Variants in HHLA1 observed in about 807,000 individuals in gnomAD.
HHLA1 encodes HHLA1 neighbor of OC90, also known as HERV-H LTR-associating protein 1.
A neutral mutation model predicts 69.9 loss-of-function variants in HHLA1; 72 were observed. The ratio of observed to expected loss-of-function variants is 1.03; its 90% CI spans 0.85 to 1.25. HHLA1 has a LOEUF of 1.25. HHLA1 is among the 50% of genes most tolerant of loss of function. The pLI is 0.00. For synonymous variants in HHLA1, 252 were observed against 233.2 expected, an observed-to-expected ratio of 1.08 and a Z score of -0.73; for missense variants, 685 against 642.2, an observed-to-expected ratio of 1.07 and a Z score of -0.72.
At position 132,093,928 on chromosome 8, in the gene HHLA1, G is replaced by A. The variant is rs998587149; in HGVS notation, c.448+1591C>T. ...CATTAAGCACTCATTGTAGCATCTCGCATATAGTACTTATTATATATTAGT... is the reference window on the plus strand; with the variant it reads ...CATTAAGCACTCATTGTAGCATCTCACATATAGTACTTATTATATATTAGT... On this transcript the variant is annotated intron_variant, in intron 7 of 16. Coordinates refer to ENST00000414222, the MANE Select transcript of HHLA1 (RefSeq NM_001145095.3). Among the ~76,000 whole-genome samples, 8 of 151,984 alleles carry A rather than the reference G, an allele frequency of 5.3e-5. No homozygotes were observed. In the East Asian group the frequency reaches 5.8e-4, roughly 11 times the overall value.
Position 132,079,574 on chromosome 8 carries a change from C to G in HHLA1, c.925+144G>C, listed in dbSNP as rs1586727083. On this transcript the variant is annotated intron_variant, in intron 11 of 16. Transcript: ENST00000414222. Reference sequence around the variant, plus strand: ...CTTGTAGAACCCATACCGGCTCATACAGATCTGTTATTTAAGTAAGCTGAA... The same window carrying G: ...CTTGTAGAACCCATACCGGCTCATAGAGATCTGTTATTTAAGTAAGCTGAA... 4 of 875,358 alleles carry G rather than the reference C, an allele frequency of 4.6e-6. No individual in the cohort carries two copies. In the Admixed American group the frequency reaches 9.3e-5, roughly 20 times the overall value. The allele number at this position is 875,358 out of a possible 1,614,324, so 54.2% of individuals were successfully genotyped here.
intron 5 of HHLA1, 51 bp from the exon 6 acceptor site, chr8:132,095,837 A>G: frequency 7.3e-6 from 8 of 1,091,414 alleles, no homozygotes; most frequent in Non-Finnish European, 7.9e-6. Flanking sequence ...CTAACGTAAC[A>G]ATAATACAAA....
chr8:132,093,031 A>G (rs1385310541), intron 7 of HHLA1, among the ~76,000 whole-genome samples: 1 of 152,200 alleles, frequency 6.6e-6, no homozygotes, highest in Non-Finnish European at 1.5e-5. Context: ...TTTTGGAGTC[A>G]TTTGTTATAG....
chr8:132,102,278 T>C (rs562391813), intron 3 of HHLA1, among the ~76,000 whole-genome samples: 5 of 152,276 alleles, frequency 3.3e-5, no homozygotes, highest in Non-Finnish European at 5.9e-5. Flanking sequence ...TCTGCTTTTC[T>C]GATACCATGT....
intron 1 of HHLA1, among the ~76,000 whole-genome samples, chr8:132,110,867 A>T (rs1426267198): frequency 6.6e-6 from 1 of 152,228 alleles, no homozygotes; most frequent in Non-Finnish European, 1.5e-5. Flanking sequence ...TTAAGATTCT[A>T]ATCAATAGCT....
intron 16 of HHLA1, among the ~76,000 whole-genome samples, chr8:132,065,529 G>T (rs531203282): frequency 6.6e-6 from 1 of 152,168 alleles, no homozygotes; most frequent in African/African-American, 2.4e-5. Context: ...TGATCCGCCC[G>T]CCTTGGCCTC....
At chr8:132,083,283 G>T (rs1434852204) in intron 10 of HHLA1, among the ~76,000 whole-genome samples, 2 of 152,088 alleles carry the variant, frequency 1.3e-5, no homozygotes, top group South Asian at 2.1e-4. Context: ...TGGCACCAGA[G>T]TTGGGGAGTT....
chr8:132,086,833 A>T (rs940511677), intron 10 of HHLA1, among the ~76,000 whole-genome samples: 5 of 152,034 alleles, frequency 3.3e-5, no homozygotes, highest in African/African-American at 4.8e-5. Context: ...TATAAAGCAA[A>T]GTAGCCCCTG....
chr8:132,099,391 A>C (rs79058067), intron 4 of HHLA1, among the ~76,000 whole-genome samples: 1,717 of 152,284 alleles, frequency 0.011, 38 homozygotes, highest in African/African-American at 0.039. Context: ...GGAAATATAC[A>C]TTTTTTTAAT....
chr8:132,081,975 T>C lies in HHLA1; in HGVS notation c.677-2009A>G, dbSNP rs374291787. Among the ~76,000 whole-genome samples the C allele has an allele frequency of 4.4e-3, 662 of 152,174 alleles. 4 individuals are homozygous for C. Among genetic ancestry groups the C allele is most frequent in the African/African-American group, 0.015 (632 of 41,508 alleles). On this transcript the variant is annotated intron_variant, in intron 10 of 16. Transcript: ENST00000414222. The stretch of plus-strand genomic sequence containing the variant: ...GTGTGGCGATTAGGCCTGGTGGAAC[T>C]GCCATCAATAAATCAAGCGTGATCA...
chr8:132,087,196 G>A (rs1441007199), intron 10 of HHLA1, among the ~76,000 whole-genome samples: 1 of 152,212 alleles, frequency 6.6e-6, no homozygotes, highest in Non-Finnish European at 1.5e-5. Flanking sequence ...GTTCCAGATG[G>A]AGACAACAGC....
At chr8:132,084,039 A>G (rs368178486) in intron 10 of HHLA1, among the ~76,000 whole-genome samples, 131 of 144,320 alleles carry the variant, frequency 9.1e-4, no homozygotes, top group South Asian at 2.3e-3. Context: ...ACTGGGCTGG[A>G]TTTTTATATT....
chr8:132,108,992 A>T (rs1824251665), intron 1 of HHLA1, among the ~76,000 whole-genome samples: 1 of 152,012 alleles, frequency 6.6e-6, no homozygotes, highest in Non-Finnish European at 1.5e-5. Flanking sequence ...TGGCCCTTTT[A>T]GGGTATTTTT....
chr8:132,106,466 G>A (rs1348891500), intron 1 of HHLA1, among the ~76,000 whole-genome samples: 1 of 152,176 alleles, frequency 6.6e-6, no homozygotes, highest in Admixed American at 6.5e-5. Flanking sequence ...GGCTTTCGTG[G>A]AATTCACCTA....
chr8:132,079,621 A>C (rs1823704593), intron 11 of HHLA1, 97 bp downstream of exon 11: 10 of 1,298,686 alleles, frequency 7.7e-6, no homozygotes. Flanking sequence ...GTTGGTGGAG[A>C]AGGGATTAAG....
In HHLA1 at chr8:132,062,366, A is replaced by G. The variant is rs1277134865; in HGVS notation, c.*1629T>C. The G allele has an allele frequency of 6.6e-6, 1 of 152,112 alleles. No individual in the cohort carries two copies. The highest frequency in any genetic ancestry group is 1.5e-5 in the Non-Finnish European group (1 of 68,034). The allele number at this position is 152,112 out of a possible 1,614,324, so 9.4% of individuals were successfully genotyped here. On this transcript the variant is annotated 3_prime_UTR_variant, in exon 17 of 17. Coordinates refer to ENST00000414222, the MANE Select transcript of HHLA1 (RefSeq NM_001145095.3). ...CTCCTCTCTCCAATGTCCAAGTTCT[A>G]CCTCCCCAGGCACCTTGTGGTTCAC...
intron 7 of HHLA1, among the ~76,000 whole-genome samples, chr8:132,095,163 C>T (rs1824002462): frequency 6.6e-6 from 1 of 152,186 alleles, no homozygotes; most frequent in Non-Finnish European, 1.5e-5. Flanking sequence ...AATTAAAAAT[C>T]TCTTGGAAGC....
intron 10 of HHLA1, among the ~76,000 whole-genome samples, chr8:132,085,206 G>A (rs1823839770): frequency 6.6e-6 from 1 of 152,196 alleles, no homozygotes; most frequent in Non-Finnish European, 1.5e-5. Flanking sequence ...ACCAAGGGAA[G>A]GCTGCCTTCC....
At chr8:132,068,303 G>C (rs1823473969) in intron 15 of HHLA1, among the ~76,000 whole-genome samples, 1 of 152,198 alleles carries the variant, frequency 6.6e-6, no homozygotes, top group East Asian at 1.9e-4. Flanking sequence ...CAGGATGAAT[G>C]AGAATCTTGC....
Sources: allele counts gnomAD v4.1 joint callset (sites outside exome capture counted in the v4.1 genomes callset), GRCh38; gene constraint gnomAD v4.1.1; transcripts MANE v1.5; gene names NCBI Gene and HGNC (gene_info 2026-07-23, HGNC 2026-07-21).